The following ZNF276 variants were observed in gnomAD, a reference collection of about 807,000 sequenced individuals.
ZNF276 encodes zinc finger protein 276.
ZNF276 carries 59 observed loss-of-function variants against 63.9 expected under a neutral mutation model. That is an observed-to-expected ratio of 0.92 (90% CI 0.75 to 1.15). The LOEUF is 1.15. ZNF276 is among the 50% of genes most tolerant of loss of function. ZNF276 has a pLI of 0.00. For synonymous variants in ZNF276, 496 were observed against 348.4 expected (o/e 1.42, Z -4.72); for missense variants, 1,084 against 843.8 (o/e 1.28, Z -3.53).
Position 89,728,829 on chromosome 16 carries a change from A to AC in ZNF276, c.1086-403dup, listed in dbSNP as rs1175226380. On this transcript the variant is annotated intron_variant, in intron 5 of 10. Transcript: ENST00000443381. Reference sequence around the variant, plus strand: ...TGGGATTACAGGAGTTAGCCTCTGCACCCAGCCACTTTTGTGAACTTAGAA... The same window carrying AC: ...TGGGATTACAGGAGTTAGCCTCTGCACCCCAGCCACTTTTGTGAACTTAGAA... 2.0e-5 allele frequency among the ~76,000 whole-genome samples: 3 copies of AC among 152,182 alleles called. No homozygotes were observed. The East Asian group carries it at 5.8e-4, about 29-fold the overall frequency.
rs374514230 is a variant in ZNF276, at chr16:89,733,380, G to A, written c.1248G>A (p.Lys416=). 6.2e-5 allele frequency: 100 copies of A among 1,614,054 alleles called. No individual in the cohort carries two copies. Among genetic ancestry groups the A allele is most frequent in the Non-Finnish European group, 8.4e-5 (99 of 1,180,054 alleles). ...GAATTCGGAAGAAGCCGGGACCCAA[G>A]CCCGGATGGAAGAAGAAGCTTCGTT... ...EPRIRKKPGP[K]PGWKKKLRCE... is the part of the protein sequence containing the mutation. The change falls in exon 7 of 11, where the codon AAG becomes AAA. Residue 416 remains lysine, a synonymous_variant. Transcript: ENST00000443381.
intron 6 of ZNF276, among the ~76,000 whole-genome samples, chr16:89,730,275 G>C (rs546965583): frequency 6.6e-6 from 1 of 152,278 alleles, no homozygotes; most frequent in South Asian, 2.1e-4. Context: ...CTACCCCCAG[G>C]CTTGTTCCCA....
chr16:89,720,834 C>G (rs912640743), upstream of ZNF276: 17 of 1,437,178 alleles, frequency 1.2e-5, no homozygotes, highest in Non-Finnish European at 1.6e-5. Flanking sequence ...AGCGGCTTCA[C>G]CGTGCCGTCC....
At chr16:89,729,149 A>C in intron 5 of ZNF276, 86 bp from the exon 6 acceptor site, 1 of 1,072,164 alleles carries the variant, frequency 9.3e-7, no homozygotes, top group South Asian at 1.3e-5. Context: ...ATGGGGGTCC[A>C]TTTGGTATCT....
At chr16:89,722,919 G>A in intron 2 of ZNF276, 85 bp downstream of exon 2, 1 of 1,558,232 alleles carries the variant, frequency 6.4e-7, no homozygotes, top group Non-Finnish European at 8.6e-7. Flanking sequence ...GCGTGCCTCC[G>A]CGGGAGCCTC....
rs34320608 is a variant in ZNF276 at position 89,732,763 on chromosome 16, C to T, written c.1170-539C>T. ...CCCTGCTGTACCATGCCCTCGCCCT[C>T]TGCTGTGTTCACCCTGACCCTGCTG... On this transcript the variant is annotated intron_variant, in intron 6 of 10. Coordinates refer to ENST00000443381, the MANE Select transcript of ZNF276 (RefSeq NM_001113525.2). 7.7e-3 allele frequency: 1,627 copies of T among 211,132 alleles called. 109 individuals are homozygous for T. Among genetic ancestry groups the T allele is most frequent in the Middle Eastern group, 0.034 (16 of 474 alleles). 13.1% of individuals were successfully genotyped at this position (211,132 alleles called of 1,614,324 possible). A position where few individuals can be genotyped will look rare whatever the true frequency, so the allele number is the denominator to read the frequency against.
rs2062063754 is a variant in ZNF276 at position 89,739,383 on chromosome 16, C to T, written c.*1137C>T. 6.3e-7 allele frequency: 1 copy of T among 1,585,824 alleles called. No homozygotes were observed. The highest frequency in any genetic ancestry group is 8.6e-7 in the Non-Finnish European group (1 of 1,162,294). On this transcript the variant is annotated 3_prime_UTR_variant, in exon 11 of 11. Coordinates refer to ENST00000443381, the MANE Select transcript of ZNF276 (RefSeq NM_001113525.2). ...ACTGCTCATCTGTGGAGCAGAGGCA[C>T]AGACAACCCTTCCCATCTGGCGGGA...
At chr16:89,736,244 C>G (rs547348631) in intron 9 of ZNF276, among the ~76,000 whole-genome samples, 6 of 151,848 alleles carry the variant, frequency 4.0e-5, no homozygotes, top group Non-Finnish European at 8.8e-5. Flanking sequence ...CCAGGCTGGT[C>G]TCGAGTTCCT....
chr16:89,740,636 C>CAAAAAA lies in ZNF276; in HGVS notation c.*2403_*2408dup, dbSNP rs371709074. On this transcript the variant is annotated 3_prime_UTR_variant, in exon 11 of 11. Transcript: ENST00000443381. ...GGGTGACAGAGTGAGACCCCCATCT[C>CAAAAAA]AAAAAAAAAAAAAAAAAACCCACGG... The CAAAAAA allele has an allele frequency of 6.4e-3, 2,914 of 458,444 alleles. 2 individuals are homozygous for CAAAAAA. The highest frequency in any genetic ancestry group is 0.016 in the East Asian group (426 of 27,312). 28.4% of individuals were successfully genotyped at this position (458,444 alleles called of 1,614,324 possible).
chr16:89,722,312 C>T (rs940862295), intron 1 of ZNF276, among the ~76,000 whole-genome samples: 8 of 152,350 alleles, frequency 5.3e-5, no homozygotes, highest in Admixed American at 2.6e-4. Context: ...GCTGGAGAGG[C>T]CTTAGAGGCC....
chr16:89,729,632 T>TA (rs2061582544), intron 6 of ZNF276, among the ~76,000 whole-genome samples: 1 of 152,086 alleles, frequency 6.6e-6, no homozygotes, highest in South Asian at 2.1e-4. Flanking sequence ...AGGAGGCTCT[T>TA]ACGTCCCTTC....
rs2062057376 is a variant in ZNF276 at position 89,739,223 on chromosome 16, G to A, written c.*977G>A. 1 of 1,614,162 alleles carries A rather than the reference G, an allele frequency of 6.2e-7. No homozygotes were observed. Among genetic ancestry groups the A allele is most frequent in the Non-Finnish European group, 8.5e-7 (1 of 1,180,032 alleles). ...AGAGCTGGACCAGCTTCAAGTACAT[G>A]TCCACAGCAACATGCAGGAAGGCCT... is the stretch of plus-strand genomic sequence containing the variant. On this transcript the variant is annotated 3_prime_UTR_variant, in exon 11 of 11. Coordinates refer to ENST00000443381, the MANE Select transcript of ZNF276 (RefSeq NM_001113525.2).
Position 89,738,418 on chromosome 16 carries a change from G to C in ZNF276, c.*172G>C, listed in dbSNP as rs950493395. Reference sequence around the variant, plus strand: ...GCCTTCCTCTGCTCTGGGACCAGTGGTTTATTTTCCCGCAAACGCTGAGTG... The same window carrying C: ...GCCTTCCTCTGCTCTGGGACCAGTGCTTTATTTTCCCGCAAACGCTGAGTG... On this transcript the variant is annotated 3_prime_UTR_variant, in exon 11 of 11. Transcript: ENST00000443381. 3 of 1,376,572 alleles carry C rather than the reference G, an allele frequency of 2.2e-6. No homozygotes were observed. The highest frequency in any genetic ancestry group is 3.0e-6 in the Non-Finnish European group (3 of 1,015,170). 85.3% of individuals were successfully genotyped at this position (1,376,572 alleles called of 1,614,324 possible).
chr16:89,727,402 A>C, intron 5 of ZNF276, 45 bp downstream of exon 5: 2 of 1,592,290 alleles, frequency 1.3e-6, no homozygotes, highest in Non-Finnish European at 8.6e-7. Flanking sequence ...TCTCCTTCAA[A>C]AACCATCAGT....
Position 89,738,976 on chromosome 16 carries a change from T to C in ZNF276, c.*730T>C, listed in dbSNP as rs1220672299. The C allele has an allele frequency of 6.2e-7, 1 of 1,614,204 alleles. No individual in the cohort carries two copies. Among genetic ancestry groups the C allele is most frequent in the East Asian group, 2.2e-5 (1 of 44,880 alleles). On this transcript the variant is annotated 3_prime_UTR_variant, in exon 11 of 11. Transcript: ENST00000443381. ...TGTTATCAGTTCCACGGGGTTGCCC[T>C]AGAGAGAAAACAGGCAAACTCACAG...
intron 4 of ZNF276, among the ~76,000 whole-genome samples, chr16:89,726,627 G>A (rs1206744884): frequency 1.3e-5 from 2 of 151,690 alleles, no homozygotes; most frequent in Non-Finnish European, 1.5e-5. Flanking sequence ...CACTGCACCC[G>A]GACTGAGAAT....
chr16:89,723,467 G>A lies in ZNF276; in HGVS notation c.764G>A (p.Ser255Asn), dbSNP rs1406532900. The change falls in exon 4 of 11, where the codon AGT becomes AAT. Residue 255 changes from serine to asparagine, a missense_variant. Coordinates refer to ENST00000443381, the MANE Select transcript of ZNF276 (RefSeq NM_001113525.2). The stretch of plus-strand genomic sequence containing the variant: ...AGCTGCAAGGCCTTCTTGCTGGACA[G>A]TGCGCTGGCAGTCAAGTGGCCATGG... ...SSSCKAFLLD[S>N]ALAVKWPWDK... The A allele has an allele frequency of 3.1e-6, 5 of 1,613,032 alleles. No homozygotes were observed. The highest frequency in any genetic ancestry group is 1.7e-5 in the Admixed American group (1 of 60,030).
rs1355668679 is a variant in ZNF276, at chr16:89,722,793, G to A, written c.468G>A (p.Arg156=). ...CHSLLKSFLQ[R]VNASPAGRRK... is the part of the protein sequence containing the mutation. The stretch of plus-strand genomic sequence containing the variant: ...GCCTTCTCAAGTCCTTCCTGCAGAG[G>A]GTCAACGCCTCCCCGGCTGGTCGCC... The change falls in exon 2 of 11, where the codon AGG becomes AGA. Residue 156 remains arginine, a synonymous_variant. Coordinates refer to ENST00000443381, the MANE Select transcript of ZNF276 (RefSeq NM_001113525.2). 7.5e-6 allele frequency: 12 copies of A among 1,607,322 alleles called. No individual in the cohort carries two copies. Among genetic ancestry groups the A allele is most frequent in the African/African-American group, 5.3e-5 (4 of 74,942 alleles).
chr16:89,738,719 GGAGCAGGT>G lies in ZNF276; in HGVS notation c.*474_*481del, dbSNP rs1567591276. The stretch of plus-strand genomic sequence containing the variant: ...ACGATCAGCCAGCAGCTGTGAGAGA[GGAGCAGGT>G]CCTCAGCCCATGCCGCCCACTAGGC... On this transcript the variant is annotated 3_prime_UTR_variant, in exon 11 of 11. Coordinates refer to ENST00000443381, the MANE Select transcript of ZNF276 (RefSeq NM_001113525.2). The G allele has an allele frequency of 1.2e-6, 2 of 1,613,722 alleles. No individual in the cohort carries two copies. The highest frequency in any genetic ancestry group is 1.7e-4 in the Middle Eastern group (1 of 6,060).
Sources: gnomAD v4.1 joint callset for allele counts (sites outside exome capture counted in the v4.1 genomes callset) on GRCh38, gnomAD v4.1.1 for gene constraint, MANE v1.5 for transcripts, NCBI Gene and HGNC (gene_info 2026-07-23, HGNC 2026-07-21) for gene names.